ROBO2: variants seen among roughly 807,000 people sequenced by gnomAD.
ROBO2 encodes roundabout homolog 2.
ROBO2 carries 53 observed loss-of-function variants against 160.8 expected under a neutral mutation model. The observed-to-expected ratio is 0.33, with a 90% CI of 0.26 to 0.41. The LOEUF is 0.41. ROBO2 is among the 10% of genes least tolerant of loss of function. The probability of loss-of-function intolerance (pLI) is 1.00; values close to 1 mark genes in which losing one functional copy is unlikely to be tolerated. For synonymous variants in ROBO2, 664 were observed against 611.7 expected, an observed-to-expected ratio of 1.09 and a Z score of -1.26; for missense variants, 1,577 against 1,722.4, an observed-to-expected ratio of 0.92 and a Z score of 1.49.
In ROBO2 at chr3:76,584,914, G is replaced by C. The variant is rs74559379; in HGVS notation, c.110-513100G>C. Among the ~76,000 whole-genome samples, 727 of 152,104 alleles carry C rather than the reference G, an allele frequency of 4.8e-3. 9 individuals carry two copies. The highest frequency in any genetic ancestry group is 0.016 in the African/African-American group (675 of 41,484). ...CTCAGAGCCTTGTGTTAAATTCACT[G>C]GTAAACATACCTCACATTGAATCAT... On this transcript the variant is annotated intron_variant, in intron 2 of 26. Coordinates refer to the ROBO2 transcript ENST00000487694.
intron 2 of ROBO2, among the ~76,000 whole-genome samples, chr3:76,930,979 G>T (rs1350415151): frequency 2.0e-5 from 3 of 152,208 alleles, no homozygotes; most frequent in African/African-American, 7.2e-5. Flanking sequence ...ATTAAAGGAA[G>T]CATTGCGTAG....
intron 2 of ROBO2, among the ~76,000 whole-genome samples, chr3:76,656,676 G>C (rs1439478899): frequency 6.6e-6 from 1 of 151,956 alleles, no homozygotes; most frequent in Non-Finnish European, 1.5e-5. Context: ...ACTGACTAAA[G>C]CTAAATCATT....
intron 2 of ROBO2, chr3:76,434,956 C>T: frequency 1.9e-6 from 3 of 1,597,968 alleles, no homozygotes; most frequent in Non-Finnish European, 2.6e-6. Flanking sequence ...AAGAAGGAGC[C>T]AGCTGTACTT....
chr3:76,248,784 T>C (rs549422744), intron 2 of ROBO2, among the ~76,000 whole-genome samples: 26 of 152,224 alleles, frequency 1.7e-4, no homozygotes, highest in African/African-American at 6.3e-4. Context: ...GTGTGTGCAT[T>C]TGTTTACTTC....
In ROBO2 at chr3:76,580,326, TTGTTTTTTTTTTTG is replaced by T. The variant is rs1397920261; in HGVS notation, c.110-517672_110-517659del. Among the ~76,000 whole-genome samples, 87 of 118,318 alleles carry T rather than the reference TTGTTTTTTTTTTTG, an allele frequency of 7.4e-4. 1 individual carries two copies. The highest frequency in any genetic ancestry group is 2.4e-3 in the African/African-American group (83 of 34,842). The allele number at this position is 118,318 out of a possible 152,430, so 77.6% of individuals were successfully genotyped here. The stretch of plus-strand genomic sequence containing the variant: ...TGCTAACCCAACCCCTGTTTTTTTT[TTGTTTTTTTTTTTG>T]TGTTTTTTTTTTTGTTTTTTTTTTT... On this transcript the variant is annotated intron_variant, in intron 2 of 26. Coordinates refer to the ROBO2 transcript ENST00000487694.
chr3:76,875,062 G>A (rs2072557317), intron 2 of ROBO2, among the ~76,000 whole-genome samples: 1 of 152,172 alleles, frequency 6.6e-6, no homozygotes. Context: ...AAGTGATTAG[G>A]CCATGATGGC....
intron 2 of ROBO2, among the ~76,000 whole-genome samples, chr3:76,784,911 G>T (rs554102860): frequency 2.0e-5 from 3 of 151,322 alleles, no homozygotes; most frequent in Admixed American, 2.0e-4. Context: ...TTTCTTCTGT[G>T]TGAGAAATCT....
chr3:77,469,452 C>T (rs578096478), intron 2 of ROBO2, among the ~76,000 whole-genome samples: 77 of 152,104 alleles, frequency 5.1e-4, no homozygotes, highest in Admixed American at 1.2e-3. Context: ...CTCAGTCATT[C>T]CCTATGGTAA....
chr3:77,446,994 A>ATC, intron 2 of ROBO2, among the ~76,000 whole-genome samples: 1 of 152,250 alleles, frequency 6.6e-6, no homozygotes, highest in South Asian at 2.1e-4. Context: ...AGTTTGGGGA[A>ATC]ATGAGAAAAT....
chr3:76,487,807 C>A (rs1318201268), intron 2 of ROBO2, among the ~76,000 whole-genome samples: 1 of 152,208 alleles, frequency 6.6e-6, no homozygotes, highest in Admixed American at 6.5e-5. Flanking sequence ...TCCCCATTTT[C>A]TTGCTGGCTG....
intron 4 of ROBO2, among the ~76,000 whole-genome samples, chr3:77,483,460 T>C (rs188883850): frequency 6.6e-6 from 1 of 152,078 alleles, no homozygotes; most frequent in East Asian, 1.9e-4. Context: ...CAACTCTTTA[T>C]ATTTTAGCAT....
chr3:76,120,323 ATCT>A (rs1317921103), intron 2 of ROBO2, among the ~76,000 whole-genome samples: 1 of 152,012 alleles, frequency 6.6e-6, no homozygotes, highest in Non-Finnish European at 1.5e-5. Context: ...TTTAATGTTA[ATCT>A]TTATTGCTGT....
chr3:76,870,350 G>A (rs1325328138), intron 2 of ROBO2, among the ~76,000 whole-genome samples: 1 of 152,126 alleles, frequency 6.6e-6, no homozygotes, highest in African/African-American at 2.4e-5. Flanking sequence ...TCACACTCCA[G>A]CTCTAGAGCC....
At chr3:76,340,973 A>G (rs1257141104) in intron 2 of ROBO2, among the ~76,000 whole-genome samples, 1 of 152,090 alleles carries the variant, frequency 6.6e-6, no homozygotes, top group Non-Finnish European at 1.5e-5. Context: ...AATTTATCTC[A>G]TTTGTTTTGT....
chr3:76,242,139 T>G (rs1463456706), intron 2 of ROBO2, among the ~76,000 whole-genome samples: 1 of 152,210 alleles, frequency 6.6e-6, no homozygotes, highest in African/African-American at 2.4e-5. Context: ...TGGATCTTGG[T>G]TAATGCATTT....
chr3:76,385,140 A>G (rs1232090577), intron 2 of ROBO2, among the ~76,000 whole-genome samples: 1 of 151,968 alleles, frequency 6.6e-6, no homozygotes, highest in Non-Finnish European at 1.5e-5. Flanking sequence ...GAATACAGGC[A>G]TGCACCACCA....
intron 2 of ROBO2, among the ~76,000 whole-genome samples, chr3:77,023,377 C>T (rs575877422): frequency 2.3e-4 from 35 of 152,146 alleles, no homozygotes; most frequent in Non-Finnish European, 4.3e-4. Context: ...AGCATGAAAA[C>T]GAACTAATAC....
In ROBO2 at chr3:76,693,306, GTA is replaced by G. The variant is rs540978468; in HGVS notation, c.110-404697_110-404696del. Among the ~76,000 whole-genome samples, 25 of 148,796 alleles carry G rather than the reference GTA, an allele frequency of 1.7e-4. 1 individual carries two copies. The highest frequency in any genetic ancestry group is 1.4e-3 in the East Asian group (7 of 5,010). On this transcript the variant is annotated intron_variant, in intron 2 of 26. Transcript: ENST00000487694. Reference sequence around the variant, plus strand: ...TAGTGTGTATCTATATGTAGTGTGTGTATATATATATAGTGTACATACACATA... The same window carrying G: ...TAGTGTGTATCTATATGTAGTGTGTGTATATATATAGTGTACATACACATA...
chr3:76,908,493 T>C (rs2075763993), intron 2 of ROBO2, among the ~76,000 whole-genome samples: 5 of 152,128 alleles, frequency 3.3e-5, no homozygotes, highest in Admixed American at 2.6e-4. Flanking sequence ...ACTTTCAGAG[T>C]AGAAAGATTC....
Sources: gnomAD v4.1 joint callset for allele counts (sites outside exome capture counted in the v4.1 genomes callset) on GRCh38, gnomAD v4.1.1 for gene constraint, MANE v1.5 for transcripts, NCBI Gene and HGNC (gene_info 2026-07-23, HGNC 2026-07-21) for gene names.